HS3ST4: variants seen among roughly 807,000 people sequenced by gnomAD.
HS3ST4 encodes the protein heparan sulfate glucosamine 3-O-sulfotransferase 4.
HS3ST4 carries 17 observed loss-of-function variants against 29.2 expected under a neutral mutation model. That is an observed-to-expected ratio of 0.58 (90% confidence interval 0.40 to 0.87). HS3ST4 has a LOEUF of 0.87. Ranked by LOEUF, HS3ST4 falls within the 40% of genes least tolerant of loss-of-function variation. The probability of loss-of-function intolerance (pLI) is 0.00; values close to 1 mark genes in which losing one functional copy is unlikely to be tolerated. For missense variants in HS3ST4, 627 were observed against 634.5 expected, an observed-to-expected ratio of 0.99 and a Z score of 0.13; for synonymous variants, 314 against 285.7, an observed-to-expected ratio of 1.10 and a Z score of -1.00.
rs182988515 is a variant in HS3ST4 at position 25,887,576 on chromosome 16, C to T, written c.734+194425C>T. On this transcript the variant is annotated intron_variant, in intron 1 of 1. Coordinates refer to ENST00000331351, the MANE Select transcript of HS3ST4 (RefSeq NM_006040.3). ...CACAGCTGGCTTCTGCAACTGGGAG[C>T]CGCCTTCCCACAAAGCTGGAGGCTC... Among the ~76,000 whole-genome samples, 872 of 152,242 alleles carry T rather than the reference C, an allele frequency of 5.7e-3. 5 individuals are homozygous for T. The highest frequency in any genetic ancestry group is 8.9e-3 in the Non-Finnish European group (603 of 68,024).
chr16:25,864,970 A>ATACAC (rs1555469574), intron 1 of HS3ST4, among the ~76,000 whole-genome samples: 3 of 145,874 alleles, frequency 2.1e-5, no homozygotes, highest in Admixed American at 7.1e-5. Flanking sequence ...ATATACACAC[A>ATACAC]TACTCACACA....
At chr16:26,128,885 G>A (rs1445703758) in intron 1 of HS3ST4, among the ~76,000 whole-genome samples, 1 of 152,256 alleles carries the variant, frequency 6.6e-6, no homozygotes, top group East Asian at 1.9e-4. Context: ...TTCACCCCAT[G>A]CCCTTGCTGT....
At chr16:25,807,381 C>T (rs1320234246) in intron 1 of HS3ST4, among the ~76,000 whole-genome samples, 1 of 152,230 alleles carries the variant, frequency 6.6e-6, no homozygotes, top group East Asian at 1.9e-4. Flanking sequence ...TTTGCCATTG[C>T]AAAAACATTA....
intron 1 of HS3ST4, among the ~76,000 whole-genome samples, chr16:25,853,394 T>C (rs1967541563): frequency 6.6e-6 from 1 of 152,124 alleles, no homozygotes; most frequent in African/African-American, 2.4e-5. Context: ...TTAATTTCTT[T>C]CTTTCTCTGG....
chr16:25,962,571 G>A (rs1410776355), intron 1 of HS3ST4, among the ~76,000 whole-genome samples: 1 of 152,178 alleles, frequency 6.6e-6, no homozygotes, highest in Non-Finnish European at 1.5e-5. Flanking sequence ...ACTAACTGAT[G>A]AGTGTCTCAC....
intron 1 of HS3ST4, among the ~76,000 whole-genome samples, chr16:26,019,153 C>T (rs993066970): frequency 1.1e-4 from 16 of 152,050 alleles, no homozygotes; most frequent in Non-Finnish European, 1.8e-4. Flanking sequence ...TGCTACCCCC[C>T]GATCCACCCC....
At chr16:25,723,359 T>G (rs1966509843) in intron 1 of HS3ST4, among the ~76,000 whole-genome samples, 1 of 152,246 alleles carries the variant, frequency 6.6e-6, no homozygotes, top group Non-Finnish European at 1.5e-5. Flanking sequence ...CAGCTATGTA[T>G]GTTCCTTTAG....
chr16:25,736,223 C>T (rs139465572), intron 1 of HS3ST4, among the ~76,000 whole-genome samples: 304 of 152,308 alleles, frequency 2.0e-3, no homozygotes, highest in African/African-American at 6.9e-3. Flanking sequence ...TTCATAACGA[C>T]GTTGGAAGAA....
At chr16:25,788,024 C>T (rs1966860152) in intron 1 of HS3ST4, among the ~76,000 whole-genome samples, 1 of 152,146 alleles carries the variant, frequency 6.6e-6, no homozygotes, top group Non-Finnish European at 1.5e-5. Context: ...TTACAAGTGA[C>T]AAAATCCCAA....
intron 1 of HS3ST4, among the ~76,000 whole-genome samples, chr16:25,931,464 G>A (rs1394784928): frequency 1.3e-5 from 2 of 152,220 alleles, no homozygotes; most frequent in East Asian, 3.8e-4. Flanking sequence ...GGGCACAAAC[G>A]ATAACCATTC....
rs527579953 is a variant in HS3ST4, at chr16:25,826,237, C to T, written c.734+133086C>T. ...AGAATTTCCTTCTGGACCTCAAGAA[C>T]TCCTTCAGGCTTCAGAGCAGCATAG... On this transcript the variant is annotated intron_variant, in intron 1 of 1. Coordinates refer to ENST00000331351, the MANE Select transcript of HS3ST4 (RefSeq NM_006040.3). 2.6e-5 allele frequency: 4 copies of T among 152,206 alleles called. No individual in the cohort carries two copies. The South Asian group carries it at 8.3e-4, about 32-fold the overall frequency. 9.4% of individuals were successfully genotyped at this position (152,206 alleles called of 1,614,324 possible). A position where few individuals can be genotyped will look rare whatever the true frequency, so the allele number is the denominator to read the frequency against.
At chr16:25,843,703 A>C (rs1254465962) in intron 1 of HS3ST4, among the ~76,000 whole-genome samples, 1 of 152,220 alleles carries the variant, frequency 6.6e-6, no homozygotes, top group African/African-American at 2.4e-5. Context: ...GTCTACATTT[A>C]ACAACTGTAA....
At chr16:25,760,405 C>T (rs1296552526) in intron 1 of HS3ST4, among the ~76,000 whole-genome samples, 1 of 146,070 alleles carries the variant, frequency 6.8e-6, no homozygotes, top group Non-Finnish European at 1.5e-5. Context: ...GGATTAGGAC[C>T]CACCCTAATG....
intron 1 of HS3ST4, among the ~76,000 whole-genome samples, chr16:25,922,233 G>A (rs540745965): frequency 3.0e-4 from 46 of 152,172 alleles, no homozygotes; most frequent in Non-Finnish European, 6.3e-4. Context: ...AATCCCTGGT[G>A]TGATGGTATT....
intron 1 of HS3ST4, among the ~76,000 whole-genome samples, chr16:25,786,710 A>G (rs1966858191): frequency 6.6e-6 from 1 of 152,214 alleles, no homozygotes; most frequent in Admixed American, 6.5e-5. Flanking sequence ...TACAAGAACT[A>G]TCGCACATAA....
intron 1 of HS3ST4, among the ~76,000 whole-genome samples, chr16:25,778,179 A>T (rs1406777237): frequency 6.6e-6 from 1 of 152,222 alleles, no homozygotes; most frequent in Non-Finnish European, 1.5e-5. Context: ...GATAATAAAA[A>T]GTACTTCCCA....
chr16:25,869,152 G>A (rs1038362940), intron 1 of HS3ST4, among the ~76,000 whole-genome samples: 1 of 152,110 alleles, frequency 6.6e-6, no homozygotes. Context: ...TCTGCTACTC[G>A]GGAGTGGGAG....
intron 1 of HS3ST4, among the ~76,000 whole-genome samples, chr16:26,061,014 A>G (rs979460567): frequency 2.0e-5 from 3 of 152,116 alleles, no homozygotes; most frequent in Non-Finnish European, 4.4e-5. Context: ...GAAGAATCTC[A>G]CTTATTACAT....
At chr16:25,936,485 A>G (rs1027039387) in intron 1 of HS3ST4, among the ~76,000 whole-genome samples, 1 of 152,360 alleles carries the variant, frequency 6.6e-6, no homozygotes, top group East Asian at 1.9e-4. Context: ...TCAAAAAATG[A>G]GAAGAAAAGC....
Sources: gnomAD v4.1 joint callset for allele counts (sites outside exome capture counted in the v4.1 genomes callset) on GRCh38, gnomAD v4.1.1 for gene constraint, MANE v1.5 for transcripts, NCBI Gene and HGNC (gene_info 2026-07-23, HGNC 2026-07-21) for gene names.